The following SYTL2 variants were observed in gnomAD, a reference collection of about 807,000 sequenced individuals.
SYTL2 encodes synaptotagmin-like protein 2.
Under a neutral mutation model 198.7 loss-of-function variants are expected in SYTL2, and 165 were observed. The ratio of observed to expected loss-of-function variants is 0.83; its 90% CI spans 0.73 to 0.94. SYTL2 has a LOEUF of 0.94. SYTL2 is among the 40% of genes least tolerant of loss of function. The pLI is 0.00. For synonymous variants in SYTL2, 966 were observed against 917.7 expected (o/e 1.05, Z -0.95); for missense variants, 2,835 against 2,582.8 (o/e 1.10, Z -2.12).
chr11:85,697,863 A>T, intron 18 of SYTL2, 116 bp downstream of exon 18: 1 of 639,510 alleles, frequency 1.6e-6, no homozygotes. Context: ...CATTATCCCA[A>T]GTAAATTCAT....
chr11:85,802,809 AG>A (rs532033400), intron 1 of SYTL2, among the ~76,000 whole-genome samples: 1 of 152,220 alleles, frequency 6.6e-6, no homozygotes, highest in Non-Finnish European at 1.5e-5. Context: ...CAGAAAAGGA[AG>A]TTGAGAGTCC....
At chr11:85,777,581 G>T (rs956133364) in intron 1 of SYTL2, among the ~76,000 whole-genome samples, 33 of 151,270 alleles carry the variant, frequency 2.2e-4, no homozygotes, top group African/African-American at 7.3e-4. Context: ...TTATAGAAGG[G>T]ATTATAAAAC....
chr11:85,716,058 A>C (rs2087180264), intron 11 of SYTL2, among the ~76,000 whole-genome samples: 1 of 152,210 alleles, frequency 6.6e-6, no homozygotes, highest in African/African-American at 2.4e-5. Flanking sequence ...GGGACAAATT[A>C]ATTTACCCAG....
At chr11:85,843,507 G>A in the SYTL2 span, among the ~76,000 whole-genome samples, 205 of 152,286 alleles carry the variant, frequency 1.3e-3, 1 homozygote, top group Middle Eastern at 3.4e-3. Flanking sequence ...GGGGGTGGAA[G>A]ATAATGAGTT....
At chr11:85,812,855 T>C (rs140508977), upstream of SYTL2, among the ~76,000 whole-genome samples, 241 of 152,322 alleles carry the variant, frequency 1.6e-3, no homozygotes, top group Non-Finnish European at 2.8e-3. Context: ...TGTTGGCGAA[T>C]GATTTTAGGC....
At chr11:85,787,445 T>C (rs931851503) in intron 1 of SYTL2, among the ~76,000 whole-genome samples, 2 of 152,300 alleles carry the variant, frequency 1.3e-5, no homozygotes, top group Admixed American at 1.3e-4. Flanking sequence ...GTTGTATTCA[T>C]GTAGCATCTT....
chr11:85,817,953 C>T, the SYTL2 span, among the ~76,000 whole-genome samples: 1 of 135,996 alleles, frequency 7.4e-6, no homozygotes, highest in African/African-American at 2.8e-5. Context: ...GTCCAGGATG[C>T]AGTGCAGTGG....
At chr11:85,708,939 C>T (rs2085738032) in intron 14 of SYTL2, among the ~76,000 whole-genome samples, 2 of 148,122 alleles carry the variant, frequency 1.4e-5, no homozygotes, top group Admixed American at 6.8e-5. Context: ...TCCGCCTCCT[C>T]GCCATTCTCC....
chr11:85,730,735 T>A (rs2089725215), intron 7 of SYTL2, among the ~76,000 whole-genome samples: 1 of 152,144 alleles, frequency 6.6e-6, no homozygotes, highest in Non-Finnish European at 1.5e-5. Context: ...TATTGGAAGT[T>A]CTGGCTAGGA....
rs991311112 is a variant in SYTL2, at chr11:85,726,656, G to A, written c.2702C>T (p.Ser901Phe). ...YLSAEQSDKV[S>F]LFQNKKNEPI... ...CTCATTTTTCTTATTCTGAAACAGA[G>A]ACACTTTATCTGATTGCTCAGCTGA... Residue 901 changes from serine to phenylalanine, a missense_variant, in exon 8 of 20, where the codon TCT becomes TTT. This residue lies in a region of SYTL2 where 2,645 missense variants were observed against 2,381.7 expected (regional missense o/e 1.11). Transcript: ENST00000359152. The A allele has an allele frequency of 4.6e-6, 7 of 1,536,800 alleles. No individual in the cohort carries two copies. Among genetic ancestry groups the A allele is most frequent in the Non-Finnish European group, 6.1e-6 (7 of 1,147,110 alleles).
intron 1 of SYTL2, among the ~76,000 whole-genome samples, chr11:85,808,937 C>A (rs910263260): frequency 1.3e-5 from 2 of 151,206 alleles, no homozygotes; most frequent in Non-Finnish European, 2.9e-5. Flanking sequence ...TTTAAAAATT[C>A]TTTGTAAAAC....
At chr11:85,781,677 T>C (rs1393967807) in intron 1 of SYTL2, among the ~76,000 whole-genome samples, 3 of 152,142 alleles carry the variant, frequency 2.0e-5, no homozygotes, top group Non-Finnish European at 2.9e-5. Context: ...CCATTCTAAA[T>C]GGGAAAAGTT....
At chr11:85,764,950 GA>G (rs1295248447) in intron 1 of SYTL2, among the ~76,000 whole-genome samples, 1 of 152,152 alleles carries the variant, frequency 6.6e-6, no homozygotes, top group Non-Finnish European at 1.5e-5. Context: ...GTGTTTATAC[GA>G]AAAGCAAACT....
chr11:85,797,024 A>AT (rs2092813394), intron 1 of SYTL2, among the ~76,000 whole-genome samples: 6 of 152,254 alleles, frequency 3.9e-5, no homozygotes, highest in African/African-American at 1.4e-4. Flanking sequence ...CCCCATCTCT[A>AT]TAAAAAAAAA....
chr11:85,744,737 A>G lies in SYTL2; in HGVS notation c.389+900T>C, dbSNP rs565350778. 4.6e-5 allele frequency among the ~76,000 whole-genome samples: 7 copies of G among 152,314 alleles called. No individual in the cohort carries two copies. The South Asian group carries it at 1.4e-3, about 32-fold the overall frequency. On this transcript the variant is annotated intron_variant, in intron 4 of 19. Coordinates refer to ENST00000359152, the MANE Select transcript of SYTL2 (RefSeq NM_206927.4). Reference sequence around the variant, plus strand: ...CAGTAAATTCATCAACTTCATCCCAATTGAAGACTCTGAATTGAACTAACT... The same window carrying G: ...CAGTAAATTCATCAACTTCATCCCAGTTGAAGACTCTGAATTGAACTAACT...
chr11:85,705,189 G>C (rs911323547), intron 15 of SYTL2, 161 bp from the exon 16 acceptor site: 7 of 510,368 alleles, frequency 1.4e-5, no homozygotes, highest in Non-Finnish European at 2.4e-5. Flanking sequence ...TAAGCATCTT[G>C]TTTCAAAGAG....
chr11:85,808,721 G>GA (rs1249490272), intron 1 of SYTL2, among the ~76,000 whole-genome samples: 4 of 152,020 alleles, frequency 2.6e-5, no homozygotes, highest in African/African-American at 7.2e-5. Context: ...GAAATCAAAT[G>GA]AAAAAAATTG....
At chr11:85,797,964 C>G (rs1014174786) in intron 1 of SYTL2, among the ~76,000 whole-genome samples, 12 of 152,022 alleles carry the variant, frequency 7.9e-5, no homozygotes, top group Non-Finnish European at 1.6e-4. Context: ...AGAGATTCTC[C>G]TGCCTCAGCC....
chr11:85,839,882 C>T, the SYTL2 span, among the ~76,000 whole-genome samples: 2 of 152,298 alleles, frequency 1.3e-5, no homozygotes, highest in Admixed American at 1.3e-4. Context: ...AGTGGTTGTA[C>T]TAATTTACAT....
Sources: allele counts gnomAD v4.1 joint callset (sites outside exome capture counted in the v4.1 genomes callset), GRCh38; gene constraint gnomAD v4.1.1; regional missense constraint gnomAD v4.1.1; transcripts MANE v1.5; gene names NCBI Gene and HGNC (gene_info 2026-07-23, HGNC 2026-07-21).